Variants in BTBD1 observed in about 807,000 individuals in gnomAD.
The protein encoded by BTBD1 is BTB/POZ domain-containing protein 1.
A neutral mutation model predicts 48.0 loss-of-function variants in BTBD1; 34 were observed. That is an observed-to-expected ratio of 0.71 (90% confidence interval 0.54 to 0.94). BTBD1 has a LOEUF of 0.94. BTBD1 is among the 40% of genes least tolerant of loss of function. BTBD1 has a pLI of 0.00. For synonymous variants in BTBD1, 261 were observed against 242.1 expected, an observed-to-expected ratio of 1.08 and a Z score of -0.72; for missense variants, 543 against 625.6, an observed-to-expected ratio of 0.87 and a Z score of 1.41.
At position 83,066,948 on chromosome 15, in the gene BTBD1, C is replaced by T. The variant is rs114626629; in HGVS notation, c.204G>A (p.Leu68=). Residue 68 remains leucine (L), a synonymous_variant, in exon 1 of 8, where the codon CTG becomes CTA. Transcript: ENST00000261721. ...RFAFLFNSEL[L]SDVRFVLGKG... ...TGCCCAGTACGAAGCGCACATCGCT[C>T]AGCAGCTCCGAGTTGAAGAGGAAGG... 1.9e-6 allele frequency: 3 copies of T among 1,578,880 alleles called. No individual in the cohort carries two copies. Among genetic ancestry groups the T allele is most frequent in the African/African-American group, 1.4e-5 (1 of 71,062 alleles).
In BTBD1 at chr15:83,050,106, T is replaced by C. The variant is rs752601240; in HGVS notation, c.631A>G (p.Ile211Val). 3.7e-6 allele frequency: 6 copies of C among 1,612,898 alleles called. No homozygotes were observed. Among genetic ancestry groups the C allele is most frequent in the African/African-American group, 1.3e-5 (1 of 74,918 alleles). The change falls in exon 3 of 8, where the codon ATA becomes GTA. Residue 211 changes from isoleucine (I) to valine (V), a missense_variant. Physicochemically the swap from Ile to Val is conservative, Grantham distance 29. Coordinates refer to ENST00000261721, the MANE Select transcript of BTBD1 (RefSeq NM_025238.4). ...ATATCAGTAAACCCTTCTGCACTTA[T>C]TGCATCCATTGTGCTTTTGTCTATT... Reference protein sequence around the residue: ...DTIDKSTMDAISAEGFTDIDI... With the variant: ...DTIDKSTMDAVSAEGFTDIDI...
At chr15:83,062,090 T>G (rs543263342) in intron 1 of BTBD1, among the ~76,000 whole-genome samples, 1 of 152,240 alleles carries the variant, frequency 6.6e-6, no homozygotes, top group East Asian at 1.9e-4. Flanking sequence ...GTAATTAGGG[T>G]TGAAACACTG....
At chr15:83,048,807 C>A (rs1191645419) in intron 3 of BTBD1, among the ~76,000 whole-genome samples, 1 of 152,142 alleles carries the variant, frequency 6.6e-6, no homozygotes, top group Non-Finnish European at 1.5e-5. Context: ...CTAAATTGAA[C>A]AGTGAAATAA....
intron 5 of BTBD1, among the ~76,000 whole-genome samples, chr15:83,022,054 T>C (rs1366920671): frequency 4.6e-5 from 7 of 151,866 alleles, no homozygotes; most frequent in Admixed American, 2.0e-4. Context: ...AACATGTAAT[T>C]TTTTTTAAAG....
At chr15:83,050,015 G>A in intron 3 of BTBD1, 58 bp downstream of exon 3, 1 of 1,021,052 alleles carries the variant, frequency 9.8e-7, no homozygotes, top group Non-Finnish European at 1.5e-6. Flanking sequence ...CAACAAGGCT[G>A]ACAAGTAAGG....
chr15:83,032,372 A>C (rs1057453513), intron 4 of BTBD1, among the ~76,000 whole-genome samples: 4 of 152,036 alleles, frequency 2.6e-5, no homozygotes, highest in African/African-American at 4.8e-5. Flanking sequence ...CAGCAATTCC[A>C]CCACTGGATA....
chr15:83,066,138 A>G (rs1272646653), intron 1 of BTBD1, among the ~76,000 whole-genome samples: 2 of 151,774 alleles, frequency 1.3e-5, no homozygotes, highest in African/African-American at 4.9e-5. Flanking sequence ...CCAAAAATAA[A>G]AATAAAAAAA....
At chr15:83,028,796 A>C (rs147101336) in intron 5 of BTBD1, 1 of 152,322 alleles carries the variant, frequency 6.6e-6, no homozygotes, top group Non-Finnish European at 1.5e-5. Flanking sequence ...AATTAAAATA[A>C]AAATGTCAGC....
intron 2 of BTBD1, among the ~76,000 whole-genome samples, chr15:83,050,635 T>C (rs1187441058): frequency 1.3e-5 from 2 of 152,170 alleles, no homozygotes. Context: ...TATAGTCTTT[T>C]CACTAATTAT....
At chr15:83,053,073 C>T (rs1470828840) in intron 2 of BTBD1, among the ~76,000 whole-genome samples, 2 of 152,098 alleles carry the variant, frequency 1.3e-5, no homozygotes, top group South Asian at 2.1e-4. Context: ...ACTCCTTACA[C>T]AGGCAATATC....
chr15:83,020,829 T>A, intron 5 of BTBD1, 67 bp from the exon 6 acceptor site: 1 of 1,015,286 alleles, frequency 9.8e-7, no homozygotes, highest in Non-Finnish European at 1.5e-6. Flanking sequence ...AGGGTTATAA[T>A]TTTTTTTAAG....
chr15:83,044,866 G>T, intron 3 of BTBD1: 2 of 741,054 alleles, frequency 2.7e-6, no homozygotes, highest in Non-Finnish European at 4.6e-6. Context: ...TCATTACTGT[G>T]TTCAATTATC....
chr15:83,033,752 AT>A (rs1462293990), intron 4 of BTBD1, among the ~76,000 whole-genome samples: 1 of 151,072 alleles, frequency 6.6e-6, no homozygotes, highest in African/African-American at 2.4e-5. Context: ...TAATTTTTAA[AT>A]TTTTTTTTGT....
At position 83,063,791 on chromosome 15, in the gene BTBD1, T is replaced by C. The variant is rs149733633; in HGVS notation, c.401+2960A>G. ...CTTAAGGCACACTGGTTCACTCTTGTGTTCCTCCAACAGGAGATACTTAGT... is the reference window on the plus strand; with the variant it reads ...CTTAAGGCACACTGGTTCACTCTTGCGTTCCTCCAACAGGAGATACTTAGT... On this transcript the variant is annotated intron_variant, in intron 1 of 7. Coordinates refer to ENST00000261721, the MANE Select transcript of BTBD1 (RefSeq NM_025238.4). 2.6e-3 allele frequency among the ~76,000 whole-genome samples: 389 copies of C among 152,370 alleles called. 2 individuals carry two copies. The highest frequency in any genetic ancestry group is 8.9e-3 in the African/African-American group (372 of 41,592).
intron 4 of BTBD1, among the ~76,000 whole-genome samples, chr15:83,041,062 G>A (rs2032746011): frequency 6.6e-6 from 1 of 151,034 alleles, no homozygotes; most frequent in Non-Finnish European, 1.5e-5. Flanking sequence ...TGAGGTGGGA[G>A]GATTGATTGA....
intron 4 of BTBD1, among the ~76,000 whole-genome samples, chr15:83,033,806 C>T (rs775492138): frequency 1.3e-5 from 2 of 151,854 alleles, no homozygotes; most frequent in Non-Finnish European, 2.9e-5. Flanking sequence ...GTCTTGAACT[C>T]GACTCAAACA....
intron 2 of BTBD1, among the ~76,000 whole-genome samples, chr15:83,051,040 A>C (rs1006280507): frequency 3.0e-4 from 45 of 152,126 alleles, no homozygotes; most frequent in Non-Finnish European, 2.2e-4. Context: ...CAAAAAAAAA[A>C]AAAACAGTTT....
At chr15:83,025,251 G>C (rs1446775824) in intron 5 of BTBD1, among the ~76,000 whole-genome samples, 2 of 150,980 alleles carry the variant, frequency 1.3e-5, no homozygotes, top group Non-Finnish European at 2.9e-5. Flanking sequence ...CTACTCGGGA[G>C]GCTGAGGCAG....
intron 4 of BTBD1, among the ~76,000 whole-genome samples, chr15:83,033,193 A>C (rs2032558508): frequency 6.6e-6 from 1 of 152,074 alleles, no homozygotes; most frequent in African/African-American, 2.4e-5. Context: ...CAGCCAGGGA[A>C]ACACAGCAGG....
Sources: allele counts gnomAD v4.1 joint callset (sites outside exome capture counted in the v4.1 genomes callset), GRCh38; gene constraint gnomAD v4.1.1; transcripts MANE v1.5; gene names NCBI Gene and HGNC (gene_info 2026-07-23, HGNC 2026-07-21).